The following AKAP6 variants were observed in gnomAD, a reference collection of about 807,000 sequenced individuals.
AKAP6 encodes A-kinase anchor protein 6.
AKAP6 carries 58 observed loss-of-function variants against 188.5 expected under a neutral mutation model. That is an observed-to-expected ratio of 0.31 (90% CI 0.25 to 0.38). The LOEUF is 0.38. Ranked by LOEUF, AKAP6 falls within the 10% of genes least tolerant of loss-of-function variation. AKAP6 has a pLI of 1.00. For synonymous variants in AKAP6, 989 were observed against 998.6 expected (o/e 0.99, Z 0.18); for missense variants, 2,710 against 2,740.0 (o/e 0.99, Z 0.24).
chr14:32,713,329 T>C (rs1314313618), intron 9 of AKAP6, among the ~76,000 whole-genome samples: 1 of 152,008 alleles, frequency 6.6e-6, no homozygotes, highest in Admixed American at 6.6e-5. Context: ...ATTTTCAGGA[T>C]AGGAAATGAG....
At chr14:32,412,043 A>G (rs748462913) in intron 1 of AKAP6, among the ~76,000 whole-genome samples, 3 of 152,160 alleles carry the variant, frequency 2.0e-5, no homozygotes, top group Non-Finnish European at 2.9e-5. Flanking sequence ...TCCAGATTGA[A>G]TGCTACCTCA....
At chr14:32,756,488 C>T (rs1328975905) in intron 11 of AKAP6, among the ~76,000 whole-genome samples, 1 of 151,976 alleles carries the variant, frequency 6.6e-6, no homozygotes, top group African/African-American at 2.4e-5. Flanking sequence ...CCTAAGGCAA[C>T]AGTGACTGGC....
intron 3 of AKAP6, among the ~76,000 whole-genome samples, chr14:32,543,484 A>G (rs950234833): frequency 3.9e-5 from 6 of 152,184 alleles, no homozygotes; most frequent in African/African-American, 1.4e-4. Context: ...CTTGGCTATC[A>G]TGAATAGTGC....
intron 3 of AKAP6, among the ~76,000 whole-genome samples, chr14:32,540,162 C>CTATATA (rs1473909094): frequency 2.4e-4 from 25 of 105,192 alleles, no homozygotes; most frequent in Admixed American, 7.0e-4. Context: ...CTCTCTCTCT[C>CTATATA]TCTCTCTATA....
chr14:32,509,763 G>A (rs1016178442), intron 2 of AKAP6, among the ~76,000 whole-genome samples: 1 of 152,128 alleles, frequency 6.6e-6, no homozygotes. Flanking sequence ...AGCCAGCGTG[G>A]TCAGAACTCC....
At chr14:32,658,274 G>A (rs1438534204) in intron 7 of AKAP6, among the ~76,000 whole-genome samples, 1 of 152,070 alleles carries the variant, frequency 6.6e-6, no homozygotes, top group East Asian at 1.9e-4. Context: ...AGATTACAAT[G>A]TAACTCCTGT....
In AKAP6 at chr14:32,546,462, CA is replaced by C. The variant is rs1566567956; in HGVS notation, c.1815del (p.Gly606ValfsTer26). 1 of 1,613,808 alleles carries C rather than the reference CA, an allele frequency of 6.2e-7. No homozygotes were observed. The highest frequency in any genetic ancestry group is 1.3e-5 in the African/African-American group (1 of 74,870). ...TGCCACTTCTTTCAAAACACAAAAG[CA>C]AAAAAGGTCAAGCCTCCTCTCCAAG... ...PVPLLSKHKS[K>X]KGQASSPSHV... On this transcript the variant is annotated frameshift_variant, in exon 4 of 14. Coordinates refer to ENST00000280979, the MANE Select transcript of AKAP6 (RefSeq NM_004274.5). LOFTEE classifies it high-confidence loss of function.
chr14:32,625,470 A>G (rs1886982572), intron 7 of AKAP6, among the ~76,000 whole-genome samples: 1 of 152,124 alleles, frequency 6.6e-6, no homozygotes, highest in Non-Finnish European at 1.5e-5. Flanking sequence ...TTATTATTAC[A>G]CAAAACATAT....
intron 4 of AKAP6, among the ~76,000 whole-genome samples, chr14:32,559,570 T>C (rs1352237844): frequency 6.6e-6 from 1 of 152,170 alleles, no homozygotes; most frequent in Non-Finnish European, 1.5e-5. Context: ...TTTAAGAAGG[T>C]TAATCTGACT....
At chr14:32,407,972 G>A (rs932792750) in intron 1 of AKAP6, among the ~76,000 whole-genome samples, 1 of 152,212 alleles carries the variant, frequency 6.6e-6, no homozygotes, top group African/African-American at 2.4e-5. Flanking sequence ...TTTATTGCCA[G>A]ATGATGTGCA....
At chr14:32,815,650 A>G (rs2034358551) in intron 12 of AKAP6, among the ~76,000 whole-genome samples, 1 of 152,162 alleles carries the variant, frequency 6.6e-6, no homozygotes, top group African/African-American at 2.4e-5. Flanking sequence ...CGTACCAAAG[A>G]GATTAGTCAA....
intron 1 of AKAP6, among the ~76,000 whole-genome samples, chr14:32,354,892 C>T (rs1007753947): frequency 2.0e-5 from 3 of 152,216 alleles, no homozygotes; most frequent in Non-Finnish European, 4.4e-5. Flanking sequence ...TTGCCCTCCT[C>T]TGTGGATCCT....
At chr14:32,583,329 T>C (rs992814576) in intron 5 of AKAP6, among the ~76,000 whole-genome samples, 11 of 152,206 alleles carry the variant, frequency 7.2e-5, no homozygotes, top group African/African-American at 2.7e-4. Flanking sequence ...CGAATGCTGC[T>C]GTGTGATCGT....
intron 1 of AKAP6, among the ~76,000 whole-genome samples, chr14:32,385,518 T>C (rs917960562): frequency 6.6e-6 from 1 of 151,842 alleles, no homozygotes; most frequent in Non-Finnish European, 1.5e-5. Context: ...ACCCTAGCAG[T>C]ATACACTGCA....
intron 12 of AKAP6, among the ~76,000 whole-genome samples, chr14:32,785,349 T>A (rs1177040595): frequency 6.6e-6 from 1 of 152,234 alleles, no homozygotes; most frequent in Admixed American, 6.5e-5. Flanking sequence ...AATTGAAATT[T>A]AAAATTAAAT....
intron 9 of AKAP6, chr14:32,718,244 G>C: frequency 4.1e-6 from 4 of 974,022 alleles, no homozygotes; most frequent in Non-Finnish European, 4.9e-6. Context: ...CCATGGGCTT[G>C]CCATAGGAGA....
At position 32,453,575 on chromosome 14, in the gene AKAP6, C is replaced by CTTTTTTTTTTTTTTTTTTTTTT. The variant is rs71115071; in HGVS notation, c.324+19776_324+19797dup. On this transcript the variant is annotated intron_variant, in intron 2 of 13. Coordinates refer to ENST00000280979, the MANE Select transcript of AKAP6 (RefSeq NM_004274.5). ...GTGGAGATAATAGAATTTTTCTTTT[C>CTTTTTTTTTTTTTTTTTTTTTT]TTTTTTTTTTTTTTTTTTTTTTTTT... Among the ~76,000 whole-genome samples the CTTTTTTTTTTTTTTTTTTTTTT allele has an allele frequency of 1.0e-4, 10 of 95,354 alleles. 1 individual carries two copies. Among genetic ancestry groups the CTTTTTTTTTTTTTTTTTTTTTT allele is most frequent in the Non-Finnish European group, 1.3e-4 (6 of 46,570 alleles). 62.6% of individuals were successfully genotyped at this position (95,354 alleles called of 152,430 possible).
intron 13 of AKAP6, among the ~76,000 whole-genome samples, chr14:32,825,918 G>A (rs2034662157): frequency 6.6e-6 from 1 of 151,996 alleles, no homozygotes; most frequent in South Asian, 2.1e-4. Context: ...GTGGCAGATT[G>A]TTTATTTTTT....
At chr14:32,541,396 G>C (rs573062975) in intron 3 of AKAP6, among the ~76,000 whole-genome samples, 1 of 151,470 alleles carries the variant, frequency 6.6e-6, no homozygotes, top group African/African-American at 2.4e-5. Context: ...AGTTATTCTC[G>C]AGCAAGACAG....
Sources: allele counts gnomAD v4.1 joint callset (sites outside exome capture counted in the v4.1 genomes callset), GRCh38; gene constraint gnomAD v4.1.1; transcripts MANE v1.5; gene names NCBI Gene and HGNC (gene_info 2026-07-23, HGNC 2026-07-21).